Variants in GPC5 observed in about 807,000 individuals in gnomAD.
GPC5 encodes glypican-5.
Under a neutral mutation model 53.9 loss-of-function variants are expected in GPC5, and 47 were observed. The ratio of observed to expected loss-of-function variants is 0.87; its 90% CI spans 0.69 to 1.11. The LOEUF is 1.11. Among genes scored for constraint, GPC5 ranks in the 50% most tolerant of loss-of-function variants. The probability of loss-of-function intolerance (pLI) is 0.00; values close to 1 mark genes in which losing one functional copy is unlikely to be tolerated. For synonymous variants in GPC5, 286 were observed against 263.3 expected (o/e 1.09, Z -0.84); for missense variants, 748 against 713.1 (o/e 1.05, Z -0.56).
intron 7 of GPC5, among the ~76,000 whole-genome samples, chr13:92,381,573 A>G (rs2043739098): frequency 6.6e-6 from 1 of 151,832 alleles, no homozygotes; most frequent in African/African-American, 2.4e-5. Flanking sequence ...TAGTACAACT[A>G]CTATGGGAAA....
At chr13:92,860,010 A>G (rs1313978400) in intron 7 of GPC5, among the ~76,000 whole-genome samples, 3 of 152,142 alleles carry the variant, frequency 2.0e-5, no homozygotes, top group African/African-American at 7.2e-5. Context: ...AGAGCCACTA[A>G]TAATTTATCT....
intron 7 of GPC5, among the ~76,000 whole-genome samples, chr13:92,668,779 A>T (rs1211493106): frequency 6.6e-6 from 1 of 152,110 alleles, no homozygotes; most frequent in African/African-American, 2.4e-5. Flanking sequence ...AATAATAATG[A>T]TTACATAAAC....
intron 7 of GPC5, among the ~76,000 whole-genome samples, chr13:92,373,082 A>G (rs9523645): frequency 1.8e-3 from 280 of 152,324 alleles, no homozygotes; most frequent in Non-Finnish European, 3.4e-3. Context: ...TTAAGTATAT[A>G]TATTATTTTG....
At chr13:91,638,627 A>C (rs112087999) in intron 2 of GPC5, among the ~76,000 whole-genome samples, 2,085 of 152,256 alleles carry the variant, frequency 0.014, 47 homozygotes, top group African/African-American at 0.047. Context: ...CAGCCTCCCA[A>C]AGTGCTGGGA....
intron 7 of GPC5, among the ~76,000 whole-genome samples, chr13:92,280,616 C>T (rs1039486284): frequency 5.9e-5 from 9 of 152,070 alleles, no homozygotes; most frequent in African/African-American, 2.2e-4. Flanking sequence ...AATTTATTTG[C>T]TGAATTCCTA....
chr13:92,045,029 T>A (rs930389980), intron 6 of GPC5, among the ~76,000 whole-genome samples: 1 of 152,144 alleles, frequency 6.6e-6, no homozygotes, highest in African/African-American at 2.4e-5. Flanking sequence ...TGAGAAGAAA[T>A]AATCTGCTTT....
intron 3 of GPC5, among the ~76,000 whole-genome samples, chr13:91,706,587 G>A (rs1279778351): frequency 6.6e-6 from 1 of 151,990 alleles, no homozygotes; most frequent in Non-Finnish European, 1.5e-5. Context: ...CTAACACACT[G>A]AGAAATAAAA....
At chr13:91,459,278 G>A (rs1259008181) in intron 2 of GPC5, among the ~76,000 whole-genome samples, 1 of 151,932 alleles carries the variant, frequency 6.6e-6, no homozygotes, top group East Asian at 1.9e-4. Context: ...TTGGGAGACA[G>A]AGCAAGACCC....
chr13:92,263,842 CT>C (rs1472836736), intron 7 of GPC5, among the ~76,000 whole-genome samples: 1 of 152,082 alleles, frequency 6.6e-6, no homozygotes, highest in African/African-American at 2.4e-5. Flanking sequence ...TGACTAGCAA[CT>C]GGGTTTTTCC....
chr13:91,415,776 T>C (rs1225762083), intron 1 of GPC5, among the ~76,000 whole-genome samples: 1 of 152,080 alleles, frequency 6.6e-6, no homozygotes, highest in East Asian at 1.9e-4. Flanking sequence ...AAGGAGACTA[T>C]AAACTATCTA....
intron 2 of GPC5, among the ~76,000 whole-genome samples, chr13:91,545,746 C>G (rs2030247791): frequency 1.3e-5 from 2 of 151,886 alleles, no homozygotes; most frequent in Non-Finnish European, 2.9e-5. Context: ...CCACTGTAAT[C>G]CCATAAATTT....
intron 6 of GPC5, among the ~76,000 whole-genome samples, chr13:92,103,236 C>T (rs188068914): frequency 1.9e-4 from 29 of 151,952 alleles, no homozygotes; most frequent in Admixed American, 5.2e-4. Flanking sequence ...CAAAGGAAAA[C>T]GAGGAATTAC....
At chr13:91,902,995 A>G (rs1421986243) in intron 5 of GPC5, among the ~76,000 whole-genome samples, 1 of 151,214 alleles carries the variant, frequency 6.6e-6, no homozygotes, top group Non-Finnish European at 1.5e-5. Flanking sequence ...ACATACAAAC[A>G]GTAAAACACC....
chr13:92,749,386 A>G (rs1331534273), intron 7 of GPC5, among the ~76,000 whole-genome samples: 1 of 152,132 alleles, frequency 6.6e-6, no homozygotes, highest in African/African-American at 2.4e-5. Flanking sequence ...AAAAGTCACT[A>G]TATACAATAA....
chr13:92,269,884 CATT>C (rs1360068042), intron 7 of GPC5, among the ~76,000 whole-genome samples: 1 of 152,188 alleles, frequency 6.6e-6, no homozygotes, highest in Non-Finnish European at 1.5e-5. Flanking sequence ...TAGTACTAGA[CATT>C]ATCAGCATTT....
chr13:92,202,538 CAAAT>C (rs1041065614), intron 7 of GPC5, among the ~76,000 whole-genome samples: 5 of 152,086 alleles, frequency 3.3e-5, no homozygotes, highest in Admixed American at 1.3e-4. Context: ...CTAGAACAAA[CAAAT>C]AGTTACACAC....
chr13:91,793,672 T>C (rs2038003897), intron 5 of GPC5, among the ~76,000 whole-genome samples: 1 of 152,176 alleles, frequency 6.6e-6, no homozygotes, highest in Admixed American at 6.5e-5. Context: ...AGAGGTTTAA[T>C]TGACTCACAG....
intron 7 of GPC5, among the ~76,000 whole-genome samples, chr13:92,701,921 C>T (rs1184003331): frequency 6.6e-6 from 1 of 152,176 alleles, no homozygotes; most frequent in South Asian, 2.1e-4. Context: ...GAAATAAAGG[C>T]CTCACATGCA....
At chr13:92,796,781 T>G (rs1439807637) in intron 7 of GPC5, among the ~76,000 whole-genome samples, 1 of 151,946 alleles carries the variant, frequency 6.6e-6, no homozygotes. Flanking sequence ...TTTTTATTTT[T>G]AAACCCGATC....
Sources: gnomAD v4.1 joint callset for allele counts (sites outside exome capture counted in the v4.1 genomes callset) on GRCh38, gnomAD v4.1.1 for gene constraint, MANE v1.5 for transcripts, NCBI Gene and HGNC (gene_info 2026-07-23, HGNC 2026-07-21) for gene names.